The following GRIK2 variants were observed in gnomAD, a reference collection of about 807,000 sequenced individuals.
The protein encoded by GRIK2 is glutamate ionotropic receptor kainate type subunit 2, also known as glutamate receptor ionotropic, kainate 2.
GRIK2 carries 32 observed loss-of-function variants against 100.3 expected under a neutral mutation model. The ratio of observed to expected loss-of-function variants is 0.32; its 90% confidence interval spans 0.24 to 0.43. The LOEUF (loss-of-function observed/expected upper bound fraction) is 0.43, where lower values mean the gene tolerates loss of function less well. Among genes scored for constraint, GRIK2 ranks in the 20% least tolerant of loss-of-function variants. The probability of loss-of-function intolerance (pLI) is 1.00; values close to 1 mark genes in which losing one functional copy is unlikely to be tolerated. For synonymous variants in GRIK2, 417 were observed against 389.4 expected (o/e 1.07, Z -0.83); for missense variants, 843 against 1,114.9 (o/e 0.76, Z 3.47).
intron 14 of GRIK2, among the ~76,000 whole-genome samples, chr6:102,003,821 GA>G (rs1276979457): frequency 6.6e-6 from 1 of 151,616 alleles, no homozygotes; most frequent in Non-Finnish European, 1.5e-5. Flanking sequence ...CTTTTTAAGA[GA>G]ATTCAGAACT....
At chr6:101,755,507 G>A (rs888810348) in intron 7 of GRIK2, among the ~76,000 whole-genome samples, 17 of 152,026 alleles carry the variant, frequency 1.1e-4, no homozygotes, top group Non-Finnish European at 2.2e-4. Flanking sequence ...CATATTATAT[G>A]AGTTCAAAAT....
intron 11 of GRIK2, among the ~76,000 whole-genome samples, chr6:101,873,940 G>A (rs1562455501): frequency 3.3e-5 from 5 of 152,062 alleles, no homozygotes; most frequent in Admixed American, 6.6e-5. Flanking sequence ...TGTTGATGGG[G>A]TTGTTTGTTT....
intron 11 of GRIK2, among the ~76,000 whole-genome samples, chr6:101,884,299 C>T (rs1030199760): frequency 6.6e-6 from 1 of 151,862 alleles, no homozygotes; most frequent in African/African-American, 2.4e-5. Context: ...ATTATTTTAC[C>T]CATTTTATTA....
At chr6:101,716,050 C>T (rs1774041506) in intron 7 of GRIK2, among the ~76,000 whole-genome samples, 1 of 151,762 alleles carries the variant, frequency 6.6e-6, no homozygotes, top group South Asian at 2.1e-4. Flanking sequence ...CCCCTTCTAT[C>T]TTCCTTTTCC....
At chr6:101,658,694 C>T (rs1235355716) in intron 4 of GRIK2, among the ~76,000 whole-genome samples, 1 of 152,168 alleles carries the variant, frequency 6.6e-6, no homozygotes. Flanking sequence ...TCTGTCATTT[C>T]CTGACTTTTT....
intron 2 of GRIK2, among the ~76,000 whole-genome samples, chr6:101,565,906 A>T (rs892245127): frequency 3.0e-5 from 4 of 135,366 alleles, no homozygotes; most frequent in African/African-American, 1.1e-4. Context: ...TTATCTTTAT[A>T]TACCTATTTT....
chr6:101,408,422 T>C (rs1161747331), intron 2 of GRIK2, among the ~76,000 whole-genome samples: 1 of 151,874 alleles, frequency 6.6e-6, no homozygotes, highest in Non-Finnish European at 1.5e-5. Context: ...GTATTTATTA[T>C]AAGTAATTGG....
intron 2 of GRIK2, among the ~76,000 whole-genome samples, chr6:101,598,592 T>TAAAA (rs75603851): frequency 7.7e-3 from 582 of 75,388 alleles, no homozygotes; most frequent in Non-Finnish European, 0.01. Context: ...TCTTCCTTAA[T>TAAAA]AAAAAAAAAA....
chr6:101,427,403 T>C (rs1769094451), intron 2 of GRIK2, among the ~76,000 whole-genome samples: 1 of 152,226 alleles, frequency 6.6e-6, no homozygotes, highest in Non-Finnish European at 1.5e-5. Flanking sequence ...TTTTCATAGT[T>C]AACTTTATCC....
chr6:101,933,451 G>C (rs1259280215), intron 14 of GRIK2, among the ~76,000 whole-genome samples: 1 of 151,752 alleles, frequency 6.6e-6, no homozygotes, highest in Non-Finnish European at 1.5e-5. Flanking sequence ...ATTTTGTTTG[G>C]CTATCTTTTG....
intron 14 of GRIK2, among the ~76,000 whole-genome samples, chr6:101,983,021 T>C (rs1793810394): frequency 1.3e-5 from 2 of 151,918 alleles, no homozygotes; most frequent in Non-Finnish European, 2.9e-5. Flanking sequence ...TCATTTTTCC[T>C]AATTTTCACC....
At chr6:101,692,058 AAAAAAAAAAG>A (rs1305716596) in intron 7 of GRIK2, among the ~76,000 whole-genome samples, 1 of 149,040 alleles carries the variant, frequency 6.7e-6, no homozygotes, top group East Asian at 1.9e-4. Context: ...AAAAAAAAAA[AAAAAAAAAAG>A]CAATGGAAAT....
At chr6:101,544,997 A>G (rs1776168298) in intron 2 of GRIK2, among the ~76,000 whole-genome samples, 1 of 152,164 alleles carries the variant, frequency 6.6e-6, no homozygotes, top group African/African-American at 2.4e-5. Flanking sequence ...GGATCGCCAC[A>G]TATATTTTCT....
At chr6:101,980,221 T>C (rs1365174784) in intron 14 of GRIK2, among the ~76,000 whole-genome samples, 2 of 152,002 alleles carry the variant, frequency 1.3e-5, no homozygotes, top group East Asian at 3.9e-4. Context: ...AGAGCAAATA[T>C]TTTTGGAAAT....
chr6:101,721,392 CAAAAAT>C (rs1774474653), intron 7 of GRIK2, among the ~76,000 whole-genome samples: 1 of 151,766 alleles, frequency 6.6e-6, no homozygotes, highest in African/African-American at 2.4e-5. Flanking sequence ...CTGTTCTCTA[CAAAAAT>C]AAAAATAAAA....
At chr6:101,924,253 T>C (rs1052220786) in intron 12 of GRIK2, among the ~76,000 whole-genome samples, 1 of 152,178 alleles carries the variant, frequency 6.6e-6, no homozygotes, top group African/African-American at 2.4e-5. Context: ...CACAACTAAG[T>C]TTGTTTTCTA....
intron 2 of GRIK2, among the ~76,000 whole-genome samples, chr6:101,597,699 C>T (rs1481203459): frequency 6.6e-6 from 1 of 151,740 alleles, no homozygotes; most frequent in African/African-American, 2.4e-5. Context: ...CATTTGGTTT[C>T]CTGCAGCATT....
chr6:101,582,650 A>G (rs1778157208), intron 2 of GRIK2, among the ~76,000 whole-genome samples: 1 of 152,156 alleles, frequency 6.6e-6, no homozygotes, highest in African/African-American at 2.4e-5. Flanking sequence ...AAAAAGTACA[A>G]CATAAGGAAA....
At chr6:102,012,506 C>CT (rs980464804) in intron 14 of GRIK2, among the ~76,000 whole-genome samples, 2 of 151,864 alleles carry the variant, frequency 1.3e-5, no homozygotes, top group Non-Finnish European at 2.9e-5. Flanking sequence ...TTATTTGATT[C>CT]TTTTTTTTGA....
Sources: gnomAD v4.1 joint callset for allele counts (sites outside exome capture counted in the v4.1 genomes callset) on GRCh38, gnomAD v4.1.1 for gene constraint, MANE v1.5 for transcripts, NCBI Gene and HGNC (gene_info 2026-07-23, HGNC 2026-07-21) for gene names.